The following THSD7A variants were observed in gnomAD, a reference collection of about 807,000 sequenced individuals.
THSD7A encodes thrombospondin type-1 domain-containing protein 7A.
Under a neutral mutation model 231.3 loss-of-function variants are expected in THSD7A, and 96 were observed. The ratio of observed to expected loss-of-function variants is 0.41; its 90% CI spans 0.35 to 0.49. THSD7A has a LOEUF of 0.49. THSD7A is among the 20% of genes least tolerant of loss of function. The pLI, the probability that THSD7A is intolerant of heterozygous loss-of-function variation, is 0.05. For synonymous variants in THSD7A, 940 were observed against 743.3 expected (o/e 1.26, Z -4.30); for missense variants, 2,290 against 2,070.2 (o/e 1.11, Z -2.06).
At chr7:11,405,039 A>G (rs67100633) in intron 22 of THSD7A, among the ~76,000 whole-genome samples, 26,687 of 152,070 alleles carry the variant, frequency 0.18, 2,432 homozygotes, top group Non-Finnish European at 0.2. Flanking sequence ...GGATATTTTC[A>G]GAGTCTAGGG....
At chr7:11,490,476 G>A (rs1287915054) in intron 6 of THSD7A, among the ~76,000 whole-genome samples, 3 of 152,038 alleles carry the variant, frequency 2.0e-5, no homozygotes, top group Admixed American at 2.0e-4. Context: ...AAGGGTATGT[G>A]TGTACTCTGT....
chr7:11,475,653 T>A (rs1196186777), intron 7 of THSD7A, among the ~76,000 whole-genome samples: 1 of 149,046 alleles, frequency 6.7e-6, no homozygotes, highest in Non-Finnish European at 1.5e-5. Context: ...ATGTAATGAA[T>A]CCTGCATTCT....
intron 1 of THSD7A, among the ~76,000 whole-genome samples, chr7:11,722,830 C>T (rs36199267): frequency 0.14 from 20,913 of 151,154 alleles, 1,877 homozygotes; most frequent in South Asian, 0.21. Context: ...GGAAACAACA[C>T]GTGCTGGAGA....
intron 6 of THSD7A, among the ~76,000 whole-genome samples, chr7:11,511,536 C>T (rs1423525866): frequency 6.6e-6 from 1 of 152,186 alleles, no homozygotes; most frequent in East Asian, 1.9e-4. Context: ...TCAAACTATA[C>T]CACAAGGCTA....
intron 1 of THSD7A, among the ~76,000 whole-genome samples, chr7:11,727,519 T>C (rs1217604485): frequency 1.3e-5 from 2 of 152,038 alleles, no homozygotes; most frequent in African/African-American, 4.8e-5. Context: ...ATTCATTTAC[T>C]ACTCTTTCTC....
chr7:11,584,643 A>G (rs1348879730), intron 4 of THSD7A, among the ~76,000 whole-genome samples: 2 of 152,178 alleles, frequency 1.3e-5, no homozygotes, highest in African/African-American at 2.4e-5. Context: ...CCTGATTCCT[A>G]TCTGGGGTTC....
chr7:11,804,718 C>T (rs1293719208), intron 1 of THSD7A, among the ~76,000 whole-genome samples: 3 of 152,136 alleles, frequency 2.0e-5, no homozygotes, highest in Non-Finnish European at 2.9e-5. Flanking sequence ...GTAAACCAGG[C>T]TTATGCCACC....
intron 4 of THSD7A, among the ~76,000 whole-genome samples, chr7:11,558,953 C>T (rs374298225): frequency 1.0e-4 from 15 of 148,912 alleles, no homozygotes; most frequent in Non-Finnish European, 1.9e-4. Flanking sequence ...AGAAGCTTCT[C>T]GAGTGCGTTA....
chr7:11,776,755 T>C (rs1272818003), intron 1 of THSD7A, among the ~76,000 whole-genome samples: 3 of 152,212 alleles, frequency 2.0e-5, no homozygotes, highest in Non-Finnish European at 2.9e-5. Flanking sequence ...AAGACGCATC[T>C]TGACAACTAG....
intron 6 of THSD7A, among the ~76,000 whole-genome samples, chr7:11,533,990 A>G (rs910860041): frequency 2.0e-5 from 3 of 152,106 alleles, no homozygotes; most frequent in Non-Finnish European, 4.4e-5. Context: ...ACAATATTGT[A>G]TGTTGTATAT....
chr7:11,612,476 C>A (rs1033650218), intron 2 of THSD7A, among the ~76,000 whole-genome samples: 7 of 152,222 alleles, frequency 4.6e-5, no homozygotes, highest in African/African-American at 1.7e-4. Flanking sequence ...CAGTCAAAAT[C>A]TGTCACACAT....
intron 4 of THSD7A, among the ~76,000 whole-genome samples, chr7:11,574,527 C>T (rs993521678): frequency 2.6e-5 from 4 of 151,600 alleles, no homozygotes; most frequent in African/African-American, 4.8e-5. Flanking sequence ...CTCCACCTCC[C>T]GGGTTCACGC....
At chr7:11,606,733 G>A (rs1780746630) in intron 2 of THSD7A, among the ~76,000 whole-genome samples, 1 of 151,994 alleles carries the variant, frequency 6.6e-6, no homozygotes, top group Admixed American at 6.6e-5. Flanking sequence ...TTTGTAATGT[G>A]AACAAACAAT....
chr7:11,421,887 G>A (rs969520615), intron 16 of THSD7A, among the ~76,000 whole-genome samples: 4 of 151,942 alleles, frequency 2.6e-5, no homozygotes, highest in East Asian at 1.9e-4. Context: ...CTTTATTTTT[G>A]TTATTTTATA....
intron 2 of THSD7A, among the ~76,000 whole-genome samples, chr7:11,599,619 C>G (rs779472153): frequency 2.6e-5 from 4 of 152,034 alleles, no homozygotes; most frequent in Non-Finnish European, 4.4e-5. Flanking sequence ...TCTGGTTGTA[C>G]GAAGGATAGT....
intron 2 of THSD7A, among the ~76,000 whole-genome samples, chr7:11,605,751 T>C (rs1159129540): frequency 6.6e-6 from 1 of 152,116 alleles, no homozygotes; most frequent in Non-Finnish European, 1.5e-5. Flanking sequence ...GAAAAAGCCC[T>C]AAGCCAAGTT....
intron 2 of THSD7A, among the ~76,000 whole-genome samples, chr7:11,633,914 T>A (rs1781743288): frequency 6.6e-6 from 1 of 152,180 alleles, no homozygotes; most frequent in African/African-American, 2.4e-5. Context: ...CATGGTAAAA[T>A]TGTTTCTGGA....
chr7:11,681,584 C>T (rs755258919), intron 1 of THSD7A, among the ~76,000 whole-genome samples: 10 of 151,668 alleles, frequency 6.6e-5, no homozygotes, highest in Non-Finnish European at 1.5e-4. Context: ...TTTAAGAAGA[C>T]AAAATTTTCT....
At chr7:11,519,212 CTT>C in intron 6 of THSD7A, among the ~76,000 whole-genome samples, 1 of 152,156 alleles carries the variant, frequency 6.6e-6, no homozygotes, top group South Asian at 2.1e-4. Flanking sequence ...TGGGTAATCG[CTT>C]TGCAGATCAC....
Sources: gnomAD v4.1 joint callset for allele counts (sites outside exome capture counted in the v4.1 genomes callset) on GRCh38, gnomAD v4.1.1 for gene constraint, MANE v1.5 for transcripts, NCBI Gene and HGNC (gene_info 2026-07-23, HGNC 2026-07-21) for gene names.